Variants in ARHGAP20 observed in about 807,000 individuals in gnomAD.
The protein encoded by ARHGAP20 is Rho GTPase activating protein 20.
Under a neutral mutation model 73.7 loss-of-function variants are expected in ARHGAP20, and 34 were observed. The ratio of observed to expected loss-of-function variants is 0.46; its 90% CI spans 0.35 to 0.61. The LOEUF is 0.61. Ranked by LOEUF, ARHGAP20 falls within the 20% of genes least tolerant of loss-of-function variation. The probability of loss-of-function intolerance (pLI) is 0.00; values close to 1 mark genes in which losing one functional copy is unlikely to be tolerated. For missense variants in ARHGAP20, 1,314 were observed against 1,420.9 expected, an observed-to-expected ratio of 0.92 and a Z score of 1.21; for synonymous variants, 523 against 518.2, an observed-to-expected ratio of 1.01 and a Z score of -0.13.
At chr11:110,664,524 G>C (rs1949680748) in intron 2 of ARHGAP20, among the ~76,000 whole-genome samples, 1 of 151,926 alleles carries the variant, frequency 6.6e-6, no homozygotes, top group South Asian at 2.1e-4. Flanking sequence ...GTCAGGAGAT[G>C]GAGACCATCC....
intron 2 of ARHGAP20, among the ~76,000 whole-genome samples, chr11:110,676,941 C>A (rs1949944428): frequency 6.6e-6 from 1 of 152,010 alleles, no homozygotes; most frequent in Admixed American, 6.6e-5. Context: ...GACTCTACAT[C>A]ATGGGAACCT....
At chr11:110,623,855 T>C (rs1003582904) in intron 4 of ARHGAP20, among the ~76,000 whole-genome samples, 3 of 124,290 alleles carry the variant, frequency 2.4e-5, no homozygotes, top group African/African-American at 6.7e-5. Flanking sequence ...GTTGTTGCTG[T>C]TGTTGTTGTT....
At chr11:110,597,005 A>G (rs1947981485) in intron 9 of ARHGAP20, among the ~76,000 whole-genome samples, 1 of 152,106 alleles carries the variant, frequency 6.6e-6, no homozygotes, top group Non-Finnish European at 1.5e-5. Context: ...CATGGATGAA[A>G]CTGGAAACCA....
At chr11:110,635,914 G>A (rs1948957386) in intron 2 of ARHGAP20, among the ~76,000 whole-genome samples, 1 of 152,034 alleles carries the variant, frequency 6.6e-6, no homozygotes, top group African/African-American at 2.4e-5. Context: ...TGTTGAAACC[G>A]AGCAAGGACA....
Position 110,579,526 on chromosome 11 carries a change from A to C in ARHGAP20, c.3420T>G (p.His1140Gln). ...ESRLKLCMKS[H>Q]EEIEPGSQSS... The stretch of plus-strand genomic sequence containing the variant: ...TCTGACTACCAGGCTCTATTTCCTC[A>C]TGTGACTTCATGCACAGCTTAAGTC... The change falls in exon 15 of 15, where the codon CAT becomes CAG. Residue 1140 changes from histidine to glutamine, a missense_variant. His to Gln is a conservative substitution (Grantham distance 24). Around this residue, in one of 3 missense-constraint regions of ARHGAP20, gnomAD observed 641 missense variants for 636.9 expected, o/e 1.01. Transcript: ENST00000683387. 3 of 1,614,100 alleles carry C rather than the reference A, an allele frequency of 1.9e-6. No homozygotes were observed. The highest frequency in any genetic ancestry group is 2.5e-6 in the Non-Finnish European group (3 of 1,179,996).
In ARHGAP20 at chr11:110,580,641, T is replaced by G; in HGVS notation, c.2305A>C (p.Lys769Gln). The change falls in exon 15 of 15, where the codon AAG becomes CAG. Residue 769 changes from lysine (K) to glutamine (Q), a missense_variant. Lys to Gln is a moderately conservative substitution (Grantham distance 53). Transcript: ENST00000683387. ...GTGTTTTGAGTAGTGGCATTTTTCT[T>G]GCTGACATCAGTGCCTGTGACTAAA... ...QSLVTGTDVS[K>Q]KNATTQNTKK... is the part of the protein sequence containing the mutation. The G allele has an allele frequency of 6.2e-7, 1 of 1,614,248 alleles. No homozygotes were observed. The highest frequency in any genetic ancestry group is 8.5e-7 in the Non-Finnish European group (1 of 1,180,048).
intron 2 of ARHGAP20, among the ~76,000 whole-genome samples, chr11:110,678,943 G>A (rs912487961): frequency 2.0e-5 from 3 of 152,142 alleles, no homozygotes; most frequent in African/African-American, 7.2e-5. Context: ...CTAGATTACA[G>A]GCATGAGCCA....
intron 2 of ARHGAP20, among the ~76,000 whole-genome samples, chr11:110,684,643 T>C (rs1052045371): frequency 4.6e-5 from 7 of 152,072 alleles, no homozygotes; most frequent in African/African-American, 9.7e-5. Context: ...CTATTTACAA[T>C]AGCAAAATCA....
chr11:110,631,903 C>G (rs1018791663), intron 2 of ARHGAP20, among the ~76,000 whole-genome samples: 3 of 152,112 alleles, frequency 2.0e-5, no homozygotes, highest in Non-Finnish European at 4.4e-5. Flanking sequence ...TTCTTTTTCC[C>G]AAGAAAGACT....
In ARHGAP20 at chr11:110,581,141, T is replaced by C. The variant is rs767707143; in HGVS notation, c.1805A>G (p.Asp602Gly). ...CCCCTGGCCAAGTTTCTTTACCAAG[T>C]CACTGCATGGTGCATCAACATCCTC... The part of the protein sequence containing the change: ...LNEDVDAPCS[D>G]LVKKLGQGSR... The change falls in exon 15 of 15, where the codon GAC becomes GGC. Residue 602 changes from aspartate to glycine, a missense_variant. Physicochemically the swap from Asp to Gly is moderately conservative, Grantham distance 94. Around this residue, in one of 3 missense-constraint regions of ARHGAP20, gnomAD observed 230 missense variants for 317.6 expected, o/e 0.72. Coordinates refer to ENST00000683387, the MANE Select transcript of ARHGAP20 (RefSeq NM_001384657.1). 7.4e-6 allele frequency: 12 copies of C among 1,614,222 alleles called. No homozygotes were observed. The South Asian group carries it at 1.3e-4, about 18-fold the overall frequency.
At chr11:110,696,493 T>G (rs1283750016) in intron 1 of ARHGAP20, among the ~76,000 whole-genome samples, 1 of 151,666 alleles carries the variant, frequency 6.6e-6, no homozygotes, top group African/African-American at 2.4e-5. Flanking sequence ...ACAAAAAGTT[T>G]CAGTGGCTGT....
intron 8 of ARHGAP20, among the ~76,000 whole-genome samples, chr11:110,607,285 T>C (rs1474747440): frequency 6.6e-6 from 1 of 152,188 alleles, no homozygotes; most frequent in African/African-American, 2.4e-5. Context: ...CACAGTTAGT[T>C]ACTCAACTGG....
At chr11:110,669,779 C>A (rs1371845165) in intron 2 of ARHGAP20, among the ~76,000 whole-genome samples, 2 of 152,138 alleles carry the variant, frequency 1.3e-5, no homozygotes, top group East Asian at 3.8e-4. Context: ...AACTACCTTA[C>A]AACCCAGCCA....
chr11:110,691,476 G>A (rs375130765), intron 1 of ARHGAP20, among the ~76,000 whole-genome samples: 43 of 152,008 alleles, frequency 2.8e-4, no homozygotes, highest in African/African-American at 9.7e-4. Context: ...CTGTATCCTC[G>A]CCAAAGGTGT....
In ARHGAP20 at chr11:110,580,414, G is replaced by T; in HGVS notation, c.2532C>A (p.Arg844=). The change falls in exon 15 of 15, where the codon CGC becomes CGA. Residue 844 remains arginine (R), a synonymous_variant. Coordinates refer to ENST00000683387, the MANE Select transcript of ARHGAP20 (RefSeq NM_001384657.1). ...GGTCTTCTATGTTGGGCTCTGAGCA[G>T]CGCCGATGTGTCCTTGGACCCTTGA... ...DALKGPRTHR[R]CSEPNIEDQN... 1.9e-6 allele frequency: 3 copies of T among 1,613,526 alleles called. No individual in the cohort carries two copies. Among genetic ancestry groups the T allele is most frequent in the Non-Finnish European group, 2.5e-6 (3 of 1,179,830 alleles).
chr11:110,624,551 G>A (rs946778752), intron 3 of ARHGAP20, among the ~76,000 whole-genome samples: 1 of 151,882 alleles, frequency 6.6e-6, no homozygotes, highest in South Asian at 2.1e-4. Flanking sequence ...TAGAGGACGG[G>A]TCAATAGGAA....
chr11:110,608,917 C>T, intron 8 of ARHGAP20, 67 bp downstream of exon 8: 2 of 1,367,914 alleles, frequency 1.5e-6, no homozygotes. Context: ...ATGACCAATT[C>T]TCGGAGACAC....
intron 4 of ARHGAP20, among the ~76,000 whole-genome samples, chr11:110,619,289 A>G (rs185108869): frequency 1.6e-4 from 20 of 123,700 alleles, no homozygotes; most frequent in East Asian, 2.5e-4. Context: ...GTGATAGAGT[A>G]TATGCAGTGA....
At chr11:110,635,659 T>C (rs188780544) in intron 2 of ARHGAP20, among the ~76,000 whole-genome samples, 2 of 152,136 alleles carry the variant, frequency 1.3e-5, no homozygotes, top group East Asian at 3.9e-4. Flanking sequence ...CTTAAATACA[T>C]ATAGGTGAAT....
Sources: allele counts gnomAD v4.1 joint callset (sites outside exome capture counted in the v4.1 genomes callset), GRCh38; gene constraint gnomAD v4.1.1; regional missense constraint gnomAD v4.1.1; transcripts MANE v1.5; gene names NCBI Gene and HGNC (gene_info 2026-07-23, HGNC 2026-07-21).